LINGO2: variants seen among roughly 807,000 people sequenced by gnomAD.
The protein encoded by LINGO2 is leucine rich repeat and Ig domain containing 2, also known as leucine-rich repeat and immunoglobulin-like domain-containing nogo receptor-interacting protein 2.
A neutral mutation model predicts 30.6 loss-of-function variants in LINGO2; 14 were observed. The ratio of observed to expected loss-of-function variants is 0.46; its 90% CI spans 0.30 to 0.72. The LOEUF (loss-of-function observed/expected upper bound fraction) is 0.72, where lower values mean the gene tolerates loss of function less well. Among genes scored for constraint, LINGO2 ranks in the 30% least tolerant of loss-of-function variants. LINGO2 has a pLI of 0.07. For missense variants in LINGO2, 729 were observed against 751.7 expected (o/e 0.97, Z 0.35); for synonymous variants, 317 against 288.5 (o/e 1.10, Z -1.00).
chr9:28,201,099 T>C (rs1820215720), intron 4 of LINGO2, among the ~76,000 whole-genome samples: 1 of 151,674 alleles, frequency 6.6e-6, no homozygotes. Context: ...TATTATACTT[T>C]AAGTTTTAGG....
At chr9:28,419,467 A>G (rs1823099826) in intron 2 of LINGO2, among the ~76,000 whole-genome samples, 1 of 152,122 alleles carries the variant, frequency 6.6e-6, no homozygotes, top group African/African-American at 2.4e-5. Flanking sequence ...AAGCTGTTGT[A>G]TAAAGGTAAG....
chr9:28,031,872 C>T (rs1823692657), intron 4 of LINGO2, among the ~76,000 whole-genome samples: 1 of 152,192 alleles, frequency 6.6e-6, no homozygotes, highest in African/African-American at 2.4e-5. Flanking sequence ...AACCACGCTT[C>T]ACCATGATGC....
the LINGO2 span, among the ~76,000 whole-genome samples, chr9:28,964,110 A>G: frequency 7.1e-6 from 1 of 141,616 alleles, no homozygotes; most frequent in African/African-American, 3.1e-5. Flanking sequence ...ACACACACGC[A>G]TATATATATA....
the LINGO2 span, among the ~76,000 whole-genome samples, chr9:28,775,125 G>C: frequency 6.6e-6 from 1 of 152,144 alleles, no homozygotes; most frequent in Non-Finnish European, 1.5e-5. Flanking sequence ...ACAGAGTTAT[G>C]AGTTGTGCCT....
chr9:28,938,908 T>C, the LINGO2 span, among the ~76,000 whole-genome samples: 1 of 152,158 alleles, frequency 6.6e-6, no homozygotes, highest in African/African-American at 2.4e-5. Flanking sequence ...TGTTAAGAAA[T>C]AAGAGCTCAC....
At chr9:28,641,941 T>C (rs1322266080) in intron 1 of LINGO2, among the ~76,000 whole-genome samples, 3 of 152,124 alleles carry the variant, frequency 2.0e-5, no homozygotes, top group African/African-American at 4.8e-5. Flanking sequence ...CTTGTCTCCA[T>C]TCTGGAAGGT....
the LINGO2 span, among the ~76,000 whole-genome samples, chr9:28,838,608 G>A: frequency 2.6e-5 from 4 of 152,106 alleles, no homozygotes; most frequent in South Asian, 2.1e-4. Flanking sequence ...TAATCTGGGG[G>A]TCATCTTTCA....
the LINGO2 span, among the ~76,000 whole-genome samples, chr9:28,765,884 G>A: frequency 6.6e-6 from 1 of 151,828 alleles, no homozygotes; most frequent in Non-Finnish European, 1.5e-5. Context: ...GGGAAAATTA[G>A]ATTTCCACAT....
At chr9:29,030,994 T>C in the LINGO2 span, among the ~76,000 whole-genome samples, 1 of 152,194 alleles carries the variant, frequency 6.6e-6, no homozygotes, top group East Asian at 1.9e-4. Context: ...CAAACTTGTT[T>C]CTTATTTCCA....
the LINGO2 span, among the ~76,000 whole-genome samples, chr9:29,001,540 A>G: frequency 2.8e-4 from 43 of 152,110 alleles, no homozygotes; most frequent in African/African-American, 9.6e-4. Context: ...CAGCAACTTC[A>G]CTTCCTTGCT....
At chr9:29,081,098 C>T in the LINGO2 span, among the ~76,000 whole-genome samples, 1 of 152,172 alleles carries the variant, frequency 6.6e-6, no homozygotes, top group African/African-American at 2.4e-5. Flanking sequence ...CATCCTGATA[C>T]CAAAGCCTGG....
Position 28,040,217 on chromosome 9 carries a change from C to G in LINGO2, c.-86-27812G>C, listed in dbSNP as rs369165267. Among the ~76,000 whole-genome samples, 136 of 152,250 alleles carry G rather than the reference C, an allele frequency of 8.9e-4. 3 individuals are homozygous for G. The South Asian group carries it at 0.027, about 30-fold the overall frequency. The stretch of plus-strand genomic sequence containing the variant: ...ATTCATTAGAAGCTAGCTGCAGTCT[C>G]TTCAATTTCTCCATAGAATGCAGTT... On this transcript the variant is annotated intron_variant, in intron 4 of 5. Transcript: ENST00000379992.
At chr9:28,388,237 T>G (rs1004615262) in intron 2 of LINGO2, among the ~76,000 whole-genome samples, 1 of 152,212 alleles carries the variant, frequency 6.6e-6, no homozygotes, top group Non-Finnish European at 1.5e-5. Context: ...TTTATGCATC[T>G]GTTGTTTGTT....
At chr9:29,124,479 T>C in the LINGO2 span, among the ~76,000 whole-genome samples, 2 of 152,054 alleles carry the variant, frequency 1.3e-5, 1 homozygote. Context: ...ACAGGCAACC[T>C]ACAGAATGGG....
the LINGO2 span, among the ~76,000 whole-genome samples, chr9:29,201,134 A>C: frequency 6.6e-6 from 1 of 152,042 alleles, no homozygotes; most frequent in East Asian, 1.9e-4. Flanking sequence ...GGAAGTCACT[A>C]TGTGCAGCCA....
intron 2 of LINGO2, among the ~76,000 whole-genome samples, chr9:28,412,362 C>T (rs1299927292): frequency 1.3e-5 from 2 of 151,922 alleles, no homozygotes; most frequent in Non-Finnish European, 2.9e-5. Context: ...AATATCTATT[C>T]AAATCCTTTG....
chr9:28,406,792 A>C (rs1822533011), intron 2 of LINGO2, among the ~76,000 whole-genome samples: 1 of 152,154 alleles, frequency 6.6e-6, no homozygotes, highest in African/African-American at 2.4e-5. Context: ...ATGTTTCTAG[A>C]TTTTATAAAG....
chr9:28,415,075 AAAG>A (rs1304105710), intron 2 of LINGO2, among the ~76,000 whole-genome samples: 18 of 152,314 alleles, frequency 1.2e-4, no homozygotes, highest in Non-Finnish European at 2.2e-4. Context: ...ACATATAAAA[AAAG>A]AGAAAAACAG....
At chr9:28,171,783 C>T (rs1246417542) in intron 4 of LINGO2, among the ~76,000 whole-genome samples, 10 of 150,060 alleles carry the variant, frequency 6.7e-5, no homozygotes, top group Admixed American at 5.3e-4. Context: ...CCGAGGCAGG[C>T]GGATCACGAG....
Sources: allele counts gnomAD v4.1 joint callset (sites outside exome capture counted in the v4.1 genomes callset), GRCh38; gene constraint gnomAD v4.1.1; transcripts MANE v1.5; gene names NCBI Gene and HGNC (gene_info 2026-07-23, HGNC 2026-07-21).